The following LGALS13 variants were observed in gnomAD, a reference collection of about 807,000 sequenced individuals.
LGALS13 encodes galactoside-binding soluble lectin 13.
LGALS13 carries 11 observed loss-of-function variants against 13.2 expected under a neutral mutation model. That is an observed-to-expected ratio of 0.83 (90% CI 0.52 to 1.38). The LOEUF (loss-of-function observed/expected upper bound fraction) is 1.38, where lower values mean the gene tolerates loss of function less well. Ranked by LOEUF, LGALS13 falls within the 40% of genes most tolerant of loss-of-function variation. The pLI is 0.00. For synonymous variants in LGALS13, 71 were observed against 63.7 expected (o/e 1.11, Z -0.54); for missense variants, 183 against 174.3 (o/e 1.05, Z -0.28).
intron 2 of LGALS13, 41 bp from the exon 3 acceptor site, chr19:39,605,137 A>G: frequency 6.5e-7 from 1 of 1,530,722 alleles, no homozygotes; most frequent in Non-Finnish European, 9.0e-7. Flanking sequence ...TGTCTGCGCA[A>G]GGGAGGGACC....
intron 2 of LGALS13, chr19:39,604,976 A>G (rs1397633383): frequency 1.5e-6 from 1 of 672,242 alleles, no homozygotes; most frequent in Non-Finnish European, 2.7e-6. Flanking sequence ...ACTGTGGCTC[A>G]GTTTTCATCT....
chr19:39,605,690 A>AT (rs1247791746), intron 3 of LGALS13, among the ~76,000 whole-genome samples: 4 of 152,144 alleles, frequency 2.6e-5, no homozygotes, highest in East Asian at 3.8e-4. Flanking sequence ...CTGAGTGAAT[A>AT]CAATATACTT....
intron 3 of LGALS13, among the ~76,000 whole-genome samples, chr19:39,606,801 T>C (rs1181009050): frequency 1.3e-5 from 2 of 152,238 alleles, no homozygotes; most frequent in East Asian, 3.8e-4. Context: ...AAAGAGAAAC[T>C]GTGCCATCAG....
Position 39,607,212 on chromosome 19 carries a change from T to C in LGALS13, c.304-11T>C. On this transcript the variant is annotated splice_polypyrimidine_tract_variant and intron_variant, in intron 3 of 3. Transcript: ENST00000221797. ...GCATGCTTTCTTTCTGATGCATTTTTCCTCTTGTAGATAAAGGTCAATGGC... is the reference window on the plus strand; with the variant it reads ...GCATGCTTTCTTTCTGATGCATTTTCCCTCTTGTAGATAAAGGTCAATGGC... 6.2e-7 allele frequency: 1 copy of C among 1,605,924 alleles called. No individual in the cohort carries two copies. Among genetic ancestry groups the C allele is most frequent in the Non-Finnish European group, 8.5e-7 (1 of 1,172,528 alleles).
rs981772676 is a variant in LGALS13 at position 39,607,465 on chromosome 19, C to A, written c.*126C>A. 2.8e-6 allele frequency: 2 copies of A among 717,594 alleles called. No homozygotes were observed. 44.5% of individuals were successfully genotyped at this position (717,594 alleles called of 1,614,324 possible). A position where few individuals can be genotyped will look rare whatever the true frequency, so the allele number is the denominator to read the frequency against. ...CCTACACTTTGTCATTAAAACAGCA[C>A]GAAAACTCACATGATTTGGTTCTTG... On this transcript the variant is annotated 3_prime_UTR_variant, in exon 4 of 4. Transcript: ENST00000221797.
At chr19:39,603,750 G>C (rs1454464682) in intron 1 of LGALS13, among the ~76,000 whole-genome samples, 2 of 152,116 alleles carry the variant, frequency 1.3e-5, no homozygotes, top group African/African-American at 4.8e-5. Context: ...TCAAGAGGGA[G>C]CAGATGTGTG....
At chr19:39,606,461 A>G (rs899492375) in intron 3 of LGALS13, among the ~76,000 whole-genome samples, 2 of 152,336 alleles carry the variant, frequency 1.3e-5, no homozygotes, top group African/African-American at 4.8e-5. Flanking sequence ...TTTTGTCATT[A>G]CCAACCTCCC....
intron 3 of LGALS13, among the ~76,000 whole-genome samples, chr19:39,605,982 G>A (rs1972683017): frequency 6.6e-6 from 1 of 152,176 alleles, no homozygotes; most frequent in African/African-American, 2.4e-5. Flanking sequence ...AAGTAGCTGG[G>A]ACTACAGGTG....
At chr19:39,605,041 C>A in intron 2 of LGALS13, 137 bp from the exon 3 acceptor site, 1 of 780,852 alleles carries the variant, frequency 1.3e-6, no homozygotes, top group Non-Finnish European at 2.2e-6. Flanking sequence ...CTGAAGCATC[C>A]CCACAGGGAC....
At position 39,602,591 on chromosome 19, in the gene LGALS13, GA is replaced by G. The variant is rs1194309887; in HGVS notation, c.15+12del. 6.2e-7 allele frequency: 1 copy of G among 1,614,060 alleles called. No homozygotes were observed. The highest frequency in any genetic ancestry group is 8.5e-7 in the Non-Finnish European group (1 of 1,179,904). On this transcript the variant is annotated intron_variant, in intron 1 of 3. Transcript: ENST00000221797. ...ACAATGTCTTCTTTACCCGTGAGTT[GA>G]AAAGGCACAGCCTTCAAAAATTTCG...
In LGALS13 at chr19:39,606,544, A is replaced by G. The variant is rs149621644; in HGVS notation, c.304-679A>G. Among the ~76,000 whole-genome samples, 1,301 of 152,346 alleles carry G rather than the reference A, an allele frequency of 8.5e-3. 17 individuals are homozygous for G. The highest frequency in any genetic ancestry group is 0.03 in the African/African-American group (1,235 of 41,574). ...AAAAATGTGTGCATTTTAAATTCGA[A>G]AAATTAATACTAATAAGGTTACTTT... is the stretch of plus-strand genomic sequence containing the variant. On this transcript the variant is annotated intron_variant, in intron 3 of 3. Coordinates refer to ENST00000221797, the MANE Select transcript of LGALS13 (RefSeq NM_013268.3).
At position 39,607,361 on chromosome 19, in the gene LGALS13, T is replaced by C. The variant is rs767416199; in HGVS notation, c.*22T>C. On this transcript the variant is annotated 3_prime_UTR_variant, in exon 4 of 4. Transcript: ENST00000221797. ...TTGAGGGAGATGATCACACTCCTCA[T>C]TGTTGAGGAATCCCTCTTTCTACCT... 1 of 1,424,866 alleles carries C rather than the reference T, an allele frequency of 7.0e-7. No individual in the cohort carries two copies. Among genetic ancestry groups the C allele is most frequent in the Admixed American group, 1.7e-5 (1 of 59,794 alleles). The allele number at this position is 1,424,866 out of a possible 1,614,324, so 88.3% of individuals were successfully genotyped here.
chr19:39,603,816 C>A (rs1397836859), intron 1 of LGALS13: 1 of 430,194 alleles, frequency 2.3e-6, no homozygotes, highest in South Asian at 9.9e-5. Flanking sequence ...TGCATCCCTG[C>A]ATGTCAGCCT....
chr19:39,602,881 G>A (rs1477276566), intron 1 of LGALS13, among the ~76,000 whole-genome samples: 2 of 152,210 alleles, frequency 1.3e-5, no homozygotes, highest in Admixed American at 1.3e-4. Context: ...ACGAGCAGGT[G>A]TGTGAATGGA....
At chr19:39,606,608 TGGCTTTCTCTAACGAGTA>T (rs1464671990) in intron 3 of LGALS13, among the ~76,000 whole-genome samples, 1 of 152,232 alleles carries the variant, frequency 6.6e-6, no homozygotes, top group African/African-American at 2.4e-5. Flanking sequence ...CCATACTTTC[TGGCTTTCTCTAACGAGTA>T]GGCCAAAACA....
At position 39,607,116 on chromosome 19, in the gene LGALS13, C is replaced by A. The variant is rs1003040378; in HGVS notation, c.304-107C>A. The A allele has an allele frequency of 1.2e-5, 10 of 814,548 alleles. No individual in the cohort carries two copies. In the African/African-American group the frequency reaches 1.5e-4, roughly 12 times the overall value. 50.5% of individuals were successfully genotyped at this position (814,548 alleles called of 1,614,324 possible). A position where few individuals can be genotyped will look rare whatever the true frequency, so the allele number is the denominator to read the frequency against. On this transcript the variant is annotated intron_variant, in intron 3 of 3. Coordinates refer to ENST00000221797, the MANE Select transcript of LGALS13 (RefSeq NM_013268.3). Reference sequence around the variant, plus strand: ...GTATCTAATACGTTAACTTGTATAACTAGGAATTTTCTTGGGGAATGTTAT... The same window carrying A: ...GTATCTAATACGTTAACTTGTATAAATAGGAATTTTCTTGGGGAATGTTAT...
chr19:39,606,518 C>A (rs561124468), intron 3 of LGALS13, among the ~76,000 whole-genome samples: 9 of 152,256 alleles, frequency 5.9e-5, no homozygotes, highest in Admixed American at 3.9e-4. Flanking sequence ...AAAACTGGCT[C>A]AAAAATGTGT....
chr19:39,607,189 A>C, intron 3 of LGALS13, 34 bp from the exon 4 acceptor site: 1 of 1,527,148 alleles, frequency 6.5e-7, no homozygotes, highest in East Asian at 2.2e-5. Context: ...GTTTGGTGGC[A>C]TGCTTTCTTT....
chr19:39,604,488 G>A (rs1972649775), intron 1 of LGALS13, 114 bp from the exon 2 acceptor site: 1 of 1,129,994 alleles, frequency 8.8e-7, no homozygotes, highest in Non-Finnish European at 1.3e-6. Flanking sequence ...TTAAAGAGGA[G>A]AGTCCACAGA....
Sources: gnomAD v4.1 joint callset for allele counts (sites outside exome capture counted in the v4.1 genomes callset) on GRCh38, gnomAD v4.1.1 for gene constraint, MANE v1.5 for transcripts, NCBI Gene and HGNC (gene_info 2026-07-23, HGNC 2026-07-21) for gene names.